The following MGAT4C variants were observed in gnomAD, a reference collection of about 807,000 sequenced individuals.
The protein encoded by MGAT4C is MGAT4 family member C, also known as alpha-1,3-mannosyl-glycoprotein 4-beta-N-acetylglucosaminyltransferase C.
Under a neutral mutation model 40.1 loss-of-function variants are expected in MGAT4C, and 19 were observed. The observed-to-expected ratio is 0.47, with a 90% CI of 0.33 to 0.70. MGAT4C has a LOEUF of 0.70. Ranked by LOEUF, MGAT4C falls within the 30% of genes least tolerant of loss-of-function variation. MGAT4C has a pLI of 0.02. For synonymous variants in MGAT4C, 181 were observed against 187.1 expected (o/e 0.97, Z 0.27); for missense variants, 491 against 563.2 (o/e 0.87, Z 1.30).
intron 1 of MGAT4C, among the ~76,000 whole-genome samples, chr12:86,178,209 T>C (rs890757187): frequency 2.6e-5 from 4 of 152,224 alleles, no homozygotes; most frequent in Non-Finnish European, 5.9e-5. Flanking sequence ...GTGCTGGGAT[T>C]ACAGGCATGA....
At chr12:86,526,381 G>A (rs577619109) in intron 2 of MGAT4C, among the ~76,000 whole-genome samples, 1 of 152,260 alleles carries the variant, frequency 6.6e-6, no homozygotes, top group Admixed American at 6.5e-5. Flanking sequence ...AGCAAGAAAA[G>A]CAACACACAC....
chr12:86,243,801 A>G (rs1468105415), intron 1 of MGAT4C, among the ~76,000 whole-genome samples: 1 of 152,236 alleles, frequency 6.6e-6, no homozygotes, highest in African/African-American at 2.4e-5. Context: ...CCAGAGACCC[A>G]TGAATAAAAG....
intron 2 of MGAT4C, among the ~76,000 whole-genome samples, chr12:86,575,146 C>G (rs778538458): frequency 1.3e-5 from 2 of 151,662 alleles, no homozygotes; most frequent in Non-Finnish European, 3.0e-5. Context: ...TTCATGTCAC[C>G]AGAATTAGCT....
chr12:86,436,139 A>T (rs925034638), intron 2 of MGAT4C, among the ~76,000 whole-genome samples: 4 of 151,880 alleles, frequency 2.6e-5, no homozygotes, highest in Admixed American at 6.6e-5. Context: ...TACCACTACG[A>T]AAAATATGAA....
intron 2 of MGAT4C, among the ~76,000 whole-genome samples, chr12:86,622,104 T>G (rs1471100430): frequency 6.6e-6 from 1 of 152,190 alleles, no homozygotes; most frequent in African/African-American, 2.4e-5. Flanking sequence ...TTTAGGTGTA[T>G]TGAATACATT....
Position 86,656,709 on chromosome 12 carries a change from GT to G in MGAT4C, c.-229+70499del, listed in dbSNP as rs978440837. 4.6e-5 allele frequency among the ~76,000 whole-genome samples: 7 copies of G among 151,714 alleles called. No homozygotes were observed. In the East Asian group the frequency reaches 7.8e-4, roughly 17 times the overall value. On this transcript the variant is annotated intron_variant, in intron 2 of 7. Transcript: ENST00000548651. Reference sequence around the variant, plus strand: ...AGCTGGAAATATTCTGAAACCTTGTGTTTTTTTTGTGGAGTAATAGAACACA... The same window carrying G: ...AGCTGGAAATATTCTGAAACCTTGTGTTTTTTTGTGGAGTAATAGAACACA...
intron 1 of MGAT4C, among the ~76,000 whole-genome samples, chr12:86,179,835 G>C (rs1272808615): frequency 6.6e-6 from 1 of 152,210 alleles, no homozygotes; most frequent in East Asian, 1.9e-4. Flanking sequence ...AAAATTTGCA[G>C]CCTGGCAATG....
At chr12:86,283,110 G>A (rs1466265630) in intron 4 of MGAT4C, among the ~76,000 whole-genome samples, 1 of 151,690 alleles carries the variant, frequency 6.6e-6, no homozygotes, top group East Asian at 1.9e-4. Flanking sequence ...TTTCACCATT[G>A]TTGAACTCTC....
intron 1 of MGAT4C, among the ~76,000 whole-genome samples, chr12:86,242,940 G>T (rs1023917337): frequency 6.6e-6 from 1 of 152,112 alleles, no homozygotes. Flanking sequence ...TAGATATTTT[G>T]CTTTTTTAAG....
intron 1 of MGAT4C, among the ~76,000 whole-genome samples, chr12:86,050,248 C>A (rs1295379866): frequency 4.6e-5 from 7 of 151,932 alleles, no homozygotes; most frequent in Non-Finnish European, 1.0e-4. Flanking sequence ...CCTGTTACAA[C>A]AGTATAAATT....
intron 1 of MGAT4C, among the ~76,000 whole-genome samples, chr12:86,080,535 A>T (rs1460221505): frequency 1.3e-5 from 2 of 152,170 alleles, no homozygotes; most frequent in African/African-American, 4.8e-5. Context: ...GTATCCTCCC[A>T]ACTGTGCTTT....
chr12:86,744,965 G>T (rs2136134713), intron 1 of MGAT4C: 1 of 151,644 alleles, frequency 6.6e-6, no homozygotes, highest in African/African-American at 2.4e-5. Context: ...GAAGAACCAT[G>T]ATGCAAATCC....
At chr12:86,279,715 A>G (rs1953166825) in intron 4 of MGAT4C, among the ~76,000 whole-genome samples, 2 of 149,552 alleles carry the variant, frequency 1.3e-5, no homozygotes, top group African/African-American at 4.9e-5. Flanking sequence ...TTATTCTTTA[A>G]TAAGAATTGT....
intron 2 of MGAT4C, among the ~76,000 whole-genome samples, chr12:86,006,892 A>G (rs968117506): frequency 2.8e-4 from 42 of 152,214 alleles, no homozygotes; most frequent in African/African-American, 9.9e-4. Flanking sequence ...GTTTAGCCCA[A>G]TCTCTGTCCC....
intron 2 of MGAT4C, among the ~76,000 whole-genome samples, chr12:86,567,580 C>A (rs1360145936): frequency 6.6e-6 from 1 of 152,142 alleles, no homozygotes; most frequent in Non-Finnish European, 1.5e-5. Flanking sequence ...GAAATTACAA[C>A]AGCCCACTCC....
At chr12:86,231,107 C>T (rs1039693113) in intron 1 of MGAT4C, among the ~76,000 whole-genome samples, 7 of 152,118 alleles carry the variant, frequency 4.6e-5, no homozygotes, top group Non-Finnish European at 8.8e-5. Flanking sequence ...GGTAATCAGA[C>T]ATAATGTGTT....
chr12:86,024,729 C>T (rs149766544), intron 2 of MGAT4C, among the ~76,000 whole-genome samples: 102 of 151,934 alleles, frequency 6.7e-4, no homozygotes, highest in Middle Eastern at 6.8e-3. Flanking sequence ...CTACAGCCTA[C>T]TCCCAATGAG....
At chr12:86,315,768 G>A (rs967298663) in intron 4 of MGAT4C, among the ~76,000 whole-genome samples, 1 of 151,804 alleles carries the variant, frequency 6.6e-6, no homozygotes, top group South Asian at 2.1e-4. Context: ...CAACATTTTG[G>A]ACATCAGTCT....
At chr12:86,109,364 A>G (rs1299720037) in intron 1 of MGAT4C, among the ~76,000 whole-genome samples, 1 of 152,142 alleles carries the variant, frequency 6.6e-6, no homozygotes, top group African/African-American at 2.4e-5. Context: ...CAATACAAAG[A>G]AGTCATATTC....
Sources: gnomAD v4.1 joint callset for allele counts (sites outside exome capture counted in the v4.1 genomes callset) on GRCh38, gnomAD v4.1.1 for gene constraint, MANE v1.5 for transcripts, NCBI Gene and HGNC (gene_info 2026-07-23, HGNC 2026-07-21) for gene names.